SUPT3H: variants seen among roughly 807,000 people sequenced by gnomAD.
SUPT3H encodes the protein SPT3 homolog, SAGA and STAGA complex component.
SUPT3H carries 44 observed loss-of-function variants against 44.3 expected under a neutral mutation model. The ratio of observed to expected loss-of-function variants is 0.99; its 90% CI spans 0.78 to 1.28. The LOEUF (loss-of-function observed/expected upper bound fraction) is 1.28. Among genes scored for constraint, SUPT3H ranks in the 50% most tolerant of loss-of-function variants. The probability of loss-of-function intolerance (pLI) is 0.00; values close to 1 mark genes in which losing one functional copy is unlikely to be tolerated. For synonymous variants in SUPT3H, 124 were observed against 125.6 expected (o/e 0.99, Z 0.09); for missense variants, 380 against 387.1 (o/e 0.98, Z 0.15).
At chr6:44,920,507 A>G (rs1768520280) in intron 10 of SUPT3H, among the ~76,000 whole-genome samples, 1 of 150,218 alleles carries the variant, frequency 6.7e-6, no homozygotes, top group African/African-American at 2.5e-5. Context: ...GGCTGCAGTG[A>G]GCTATTACTG....
chr6:45,283,122 T>A (rs912952056), intron 2 of SUPT3H, among the ~76,000 whole-genome samples: 1 of 152,172 alleles, frequency 6.6e-6, no homozygotes, highest in African/African-American at 2.4e-5. Context: ...TACCAGCCAC[T>A]GCAAAAACAT....
chr6:45,111,539 C>CA (rs367554128), intron 2 of SUPT3H, among the ~76,000 whole-genome samples: 5,320 of 142,366 alleles, frequency 0.037, 139 homozygotes, highest in Admixed American at 0.068. Flanking sequence ...CTCCCCCCCG[C>CA]AAAAAAAACA....
At chr6:45,348,404 C>T (rs922155044) in intron 2 of SUPT3H, among the ~76,000 whole-genome samples, 3 of 151,554 alleles carry the variant, frequency 2.0e-5, no homozygotes, top group Admixed American at 6.6e-5. Flanking sequence ...CGGTGGCTCA[C>T]GCCTGTAATC....
intron 2 of SUPT3H, among the ~76,000 whole-genome samples, chr6:45,335,452 A>G (rs537117939): frequency 6.6e-6 from 1 of 151,404 alleles, no homozygotes; most frequent in East Asian, 1.9e-4. Context: ...CACAGTATGG[A>G]TTCTCTTCAA....
intron 6 of SUPT3H, among the ~76,000 whole-genome samples, chr6:44,999,563 C>A (rs1391438556): frequency 6.6e-6 from 1 of 152,010 alleles, no homozygotes; most frequent in Non-Finnish European, 1.5e-5. Flanking sequence ...CCTGAAGAGA[C>A]CCATGGAATC....
At chr6:45,278,384 T>C (rs567662017) in intron 2 of SUPT3H, among the ~76,000 whole-genome samples, 1 of 152,212 alleles carries the variant, frequency 6.6e-6, no homozygotes, top group African/African-American at 2.4e-5. Flanking sequence ...ATAATGAACA[T>C]GTTAAGTATA....
At chr6:45,296,045 C>T (rs923071315) in intron 2 of SUPT3H, among the ~76,000 whole-genome samples, 4 of 152,044 alleles carry the variant, frequency 2.6e-5, no homozygotes, top group Middle Eastern at 6.8e-3. Context: ...CAGCACAATT[C>T]GCAACTGCAA....
intron 2 of SUPT3H, among the ~76,000 whole-genome samples, chr6:45,267,750 C>T (rs544769277): frequency 5.9e-5 from 9 of 152,146 alleles, no homozygotes; most frequent in African/African-American, 2.2e-4. Flanking sequence ...AGTTAAGAGC[C>T]TAGGCCTTAC....
chr6:44,928,882 C>CAAAATAAATAAAAAAAAAA (rs1491206167), intron 10 of SUPT3H, among the ~76,000 whole-genome samples: 1 of 20,650 alleles, frequency 4.8e-5, no homozygotes, highest in African/African-American at 3.2e-4. Context: ...GACTCCGTCT[C>CAAAATAAATAAAAAAAAAA]AAAAAAAAAA....
Position 44,939,100 on chromosome 6 carries a change from C to T in SUPT3H, c.802-6337G>A, listed in dbSNP as rs370619486. ...ATTGTTCTGGTTAGGACTTCCAGTA[C>T]TATGTTGAATAGGAGTGGTTAAAGT... On this transcript the variant is annotated intron_variant, in intron 9 of 10. Coordinates refer to ENST00000371459, the MANE Select transcript of SUPT3H (RefSeq NM_003599.4). 1.9e-3 allele frequency among the ~76,000 whole-genome samples: 286 copies of T among 152,184 alleles called. 1 individual carries two copies. The highest frequency in any genetic ancestry group is 6.3e-3 in the African/African-American group (262 of 41,534).
chr6:44,887,548 T>A (rs907157713), intron 10 of SUPT3H, among the ~76,000 whole-genome samples: 3 of 152,054 alleles, frequency 2.0e-5, no homozygotes, highest in African/African-American at 7.2e-5. Flanking sequence ...AAGGCAGAAA[T>A]AAAGATGTCC....
chr6:45,249,152 T>C (rs1041927786), intron 2 of SUPT3H, among the ~76,000 whole-genome samples: 3 of 152,136 alleles, frequency 2.0e-5, no homozygotes, highest in Non-Finnish European at 4.4e-5. Flanking sequence ...ATAAGAATAT[T>C]TCATTTAAAT....
intron 9 of SUPT3H, among the ~76,000 whole-genome samples, chr6:44,942,419 A>G (rs1423133152): frequency 2.0e-5 from 3 of 152,312 alleles, no homozygotes; most frequent in East Asian, 1.9e-4. Context: ...TTACAGTTTT[A>G]GCCTAAGGGC....
At chr6:44,883,337 A>G (rs974482906) in intron 10 of SUPT3H, among the ~76,000 whole-genome samples, 2 of 152,134 alleles carry the variant, frequency 1.3e-5, no homozygotes, top group Admixed American at 6.6e-5. Context: ...AGGACCTCCT[A>G]AAGGAGAACT....
chr6:45,377,037 C>G (rs1272973036), intron 1 of SUPT3H, among the ~76,000 whole-genome samples: 1 of 152,136 alleles, frequency 6.6e-6, no homozygotes, highest in Non-Finnish European at 1.5e-5. Context: ...TTACATATCA[C>G]TGTCTTCATA....
rs554100731 is a variant in SUPT3H, at chr6:45,135,845, C to T, written c.102-29839G>A. ...AGTCCATGATACTTTGATATAATGGCCTGAACTCAGACAGGCAGACAAGCC... is the reference window on the plus strand; with the variant it reads ...AGTCCATGATACTTTGATATAATGGTCTGAACTCAGACAGGCAGACAAGCC... On this transcript the variant is annotated intron_variant, in intron 2 of 10. Transcript: ENST00000371459. Among the ~76,000 whole-genome samples, 6 of 152,276 alleles carry T rather than the reference C, an allele frequency of 3.9e-5. No individual in the cohort carries two copies. In the East Asian group the frequency reaches 9.6e-4, roughly 24 times the overall value.
At chr6:45,193,287 T>C (rs1408642070) in intron 2 of SUPT3H, among the ~76,000 whole-genome samples, 1 of 152,202 alleles carries the variant, frequency 6.6e-6, no homozygotes, top group East Asian at 1.9e-4. Flanking sequence ...TATTTATAAA[T>C]AGGCCATGAT....
intron 2 of SUPT3H, among the ~76,000 whole-genome samples, chr6:45,281,697 C>A (rs1778117595): frequency 6.6e-6 from 1 of 152,172 alleles, no homozygotes; most frequent in Non-Finnish European, 1.5e-5. Context: ...GCAGCAGAAA[C>A]CTCTGCACAC....
At chr6:44,906,897 T>G (rs1179164657) in intron 10 of SUPT3H, among the ~76,000 whole-genome samples, 2 of 152,256 alleles carry the variant, frequency 1.3e-5, no homozygotes, top group Non-Finnish European at 2.9e-5. Flanking sequence ...TTTCCTGATG[T>G]ACTTTGGAGG....
Sources: allele counts gnomAD v4.1 joint callset (sites outside exome capture counted in the v4.1 genomes callset), GRCh38; gene constraint gnomAD v4.1.1; transcripts MANE v1.5; gene names NCBI Gene and HGNC (gene_info 2026-07-23, HGNC 2026-07-21).